The following PTBP3 variants were observed in gnomAD, a reference collection of about 807,000 sequenced individuals.
PTBP3 encodes the protein polypyrimidine tract binding protein 3.
Under a neutral mutation model 58.7 loss-of-function variants are expected in PTBP3, and 20 were observed. That is an observed-to-expected ratio of 0.34 (90% CI 0.24 to 0.50). The LOEUF is 0.50. Ranked by LOEUF, PTBP3 falls within the 20% of genes least tolerant of loss-of-function variation. PTBP3 has a pLI of 0.98. For missense variants in PTBP3, 509 were observed against 637.2 expected (o/e 0.80, Z 2.17); for synonymous variants, 185 against 219.8 (o/e 0.84, Z 1.40).
At chr9:112,227,681 T>TA in intron 11 of PTBP3, 54 bp from the exon 12 acceptor site, 1 of 1,277,690 alleles carries the variant, frequency 7.8e-7, no homozygotes, top group Non-Finnish European at 1.1e-6. Context: ...GATTTCTCAG[T>TA]AGTATCTGAC....
At chr9:112,235,759 A>G (rs2132000938) in intron 7 of PTBP3, among the ~76,000 whole-genome samples, 1 of 152,350 alleles carries the variant, frequency 6.6e-6, no homozygotes, top group Middle Eastern at 3.4e-3. Context: ...TAAAAAGAGC[A>G]CAAGACAAGA....
the PTBP3 span, among the ~76,000 whole-genome samples, chr9:112,377,024 A>C: frequency 6.6e-6 from 1 of 152,212 alleles, no homozygotes; most frequent in East Asian, 1.9e-4. Flanking sequence ...GACCTGGGGT[A>C]GGTAGGTATG....
chr9:112,257,828 T>C (rs1299301321), intron 5 of PTBP3, among the ~76,000 whole-genome samples: 3 of 151,288 alleles, frequency 2.0e-5, no homozygotes, highest in African/African-American at 7.3e-5. Flanking sequence ...TAATCCCAGC[T>C]ACTCAGAAGG....
chr9:112,252,856 C>A (rs1836186802), intron 5 of PTBP3, 68 bp from the exon 6 acceptor site: 7 of 906,422 alleles, frequency 7.7e-6, no homozygotes, highest in Non-Finnish European at 8.5e-6. Context: ...TTTATAAATA[C>A]AACTTGTTCA....
the PTBP3 span, among the ~76,000 whole-genome samples, chr9:112,372,429 T>C: frequency 6.6e-6 from 1 of 152,198 alleles, no homozygotes; most frequent in South Asian, 2.1e-4. Context: ...ACATATGAAA[T>C]TAACAATCTT....
chr9:112,306,063 T>C (rs1460252429), intron 1 of PTBP3, among the ~76,000 whole-genome samples: 1 of 152,242 alleles, frequency 6.6e-6, no homozygotes, highest in Non-Finnish European at 1.5e-5. Context: ...TGGTGTCAGA[T>C]GTAAGGGCAG....
At chr9:112,311,604 T>C (rs1212956805) in intron 1 of PTBP3, among the ~76,000 whole-genome samples, 4 of 151,964 alleles carry the variant, frequency 2.6e-5, no homozygotes, top group Non-Finnish European at 5.9e-5. Flanking sequence ...AGAACTTGAG[T>C]ATGCATGGAT....
At chr9:112,325,480 C>G (rs558159992) in intron 1 of PTBP3, among the ~76,000 whole-genome samples, 1 of 152,062 alleles carries the variant, frequency 6.6e-6, no homozygotes, top group Admixed American at 6.5e-5. Context: ...ACTCTCCTCA[C>G]CCTTCAATGT....
chr9:112,277,951 C>CATAACATAACATAAT (rs1827696266), intron 2 of PTBP3, among the ~76,000 whole-genome samples: 4 of 85,996 alleles, frequency 4.7e-5, no homozygotes, highest in African/African-American at 1.6e-4. Flanking sequence ...CATAATATAA[C>CATAACATAACATAAT]ATAACATAAC....
At chr9:112,341,417 C>T in the PTBP3 span, among the ~76,000 whole-genome samples, 6 of 152,132 alleles carry the variant, frequency 3.9e-5, 1 homozygote, top group Admixed American at 1.3e-4. Flanking sequence ...CAGGCATGAG[C>T]CACCATGCCT....
At chr9:112,231,972 A>G (rs201611582) in intron 9 of PTBP3, 127 bp downstream of exon 9, 27,363 of 324,818 alleles carry the variant, frequency 0.084, 1,084 homozygotes, top group African/African-American at 0.14. Context: ...GAGAAGAGAG[A>G]AGAGAAGAGA....
chr9:112,286,457 T>C (rs1828119753), intron 2 of PTBP3, among the ~76,000 whole-genome samples: 1 of 151,984 alleles, frequency 6.6e-6, no homozygotes, highest in Non-Finnish European at 1.5e-5. Context: ...CCCTTTTTAC[T>C]TTTTTTTAAG....
chr9:112,275,783 T>C, intron 3 of PTBP3, 61 bp downstream of exon 3: 2 of 1,358,108 alleles, frequency 1.5e-6, no homozygotes, highest in Non-Finnish European at 2.0e-6. Context: ...AAAATAAAAA[T>C]TATCAGTAAT....
At chr9:112,234,669 A>G (rs1214920467) in intron 8 of PTBP3, 151 bp downstream of exon 8, 6 of 634,046 alleles carry the variant, frequency 9.5e-6, no homozygotes, top group Non-Finnish European at 1.6e-5. Context: ...AGGAAGCTAT[A>G]TATCATACAA....
intron 1 of PTBP3, 109 bp downstream of exon 1, chr9:112,333,361 G>T (rs1587906651): frequency 1.6e-6 from 2 of 1,262,928 alleles, no homozygotes; most frequent in Non-Finnish European, 1.0e-6. Flanking sequence ...CCGCTCCTCC[G>T]GCCGCCGGCG....
chr9:112,232,153 C>T lies in PTBP3; in HGVS notation c.966G>A (p.Gly322=), dbSNP rs1333218277. ...SAVTGRMAIP[G]ASGIPGNSVL... is the part of the protein sequence containing the mutation. ...CAGAATTTCCTGGTATACCACTAGC[C>T]CCAGGAATGGCCATCCTTCCAGTGA... is the stretch of plus-strand genomic sequence containing the variant. Residue 322 remains glycine, a synonymous_variant, in exon 9 of 14, where the codon GGG becomes GGA. Transcript: ENST00000374257. The T allele has an allele frequency of 1.9e-6, 3 of 1,613,368 alleles. No homozygotes were observed. Among genetic ancestry groups the T allele is most frequent in the African/African-American group, 2.7e-5 (2 of 74,826 alleles).
intron 7 of PTBP3, among the ~76,000 whole-genome samples, chr9:112,236,750 T>C (rs1248018686): frequency 6.6e-6 from 1 of 152,156 alleles, no homozygotes; most frequent in Admixed American, 6.6e-5. Context: ...ATGACACATG[T>C]TCACATGTTA....
chr9:112,283,268 T>C (rs1010972898), intron 2 of PTBP3, among the ~76,000 whole-genome samples: 3 of 152,032 alleles, frequency 2.0e-5, no homozygotes, highest in East Asian at 1.9e-4. Context: ...TTGGAACAGT[T>C]TGGAGGGCTC....
chr9:112,220,744 T>G lies in PTBP3; in HGVS notation c.*3107A>C, dbSNP rs1490383197. 3.1e-6 allele frequency: 3 copies of G among 983,600 alleles called. No individual in the cohort carries two copies. The highest frequency in any genetic ancestry group is 3.6e-6 in the Non-Finnish European group (3 of 828,276). 60.9% of individuals were successfully genotyped at this position (983,600 alleles called of 1,614,324 possible). On this transcript the variant is annotated 3_prime_UTR_variant, in exon 14 of 14. Coordinates refer to ENST00000374257, the MANE Select transcript of PTBP3 (RefSeq NM_001163788.4). ...TACTGCTATGCAAATTATTCAAATC[T>G]CAAAGTAAATCATTTTGGTGTAATT...
Sources: allele counts gnomAD v4.1 joint callset (sites outside exome capture counted in the v4.1 genomes callset), GRCh38; gene constraint gnomAD v4.1.1; transcripts MANE v1.5; gene names NCBI Gene and HGNC (gene_info 2026-07-23, HGNC 2026-07-21).